KIF6: variants seen among roughly 807,000 people sequenced by gnomAD.
The protein encoded by KIF6 is kinesin-like protein KIF6.
Under a neutral mutation model 112.7 loss-of-function variants are expected in KIF6, and 106 were observed. The ratio of observed to expected loss-of-function variants is 0.94; its 90% confidence interval spans 0.80 to 1.11. The LOEUF (loss-of-function observed/expected upper bound fraction) is 1.11, where lower values mean the gene tolerates loss of function less well. KIF6 is among the 50% of genes least tolerant of loss of function. KIF6 has a pLI of 0.00. For missense variants in KIF6, 929 were observed against 964.0 expected, an observed-to-expected ratio of 0.96 and a Z score of 0.48; for synonymous variants, 339 against 339.9, an observed-to-expected ratio of 1.00 and a Z score of 0.03.
chr6:39,714,631 T>C (rs1377625205), intron 3 of KIF6, 61 bp downstream of exon 3: 7 of 1,123,390 alleles, frequency 6.2e-6, no homozygotes, highest in Non-Finnish European at 9.5e-6. Context: ...CACAGTTATC[T>C]GAGAATTGAA....
At chr6:39,346,422 T>C (rs1453490234) in intron 20 of KIF6, 54 bp downstream of exon 20, 2 of 716,646 alleles carry the variant, frequency 2.8e-6, no homozygotes, top group African/African-American at 3.5e-5. Flanking sequence ...CCTTCCACCA[T>C]GTGAGGATGC....
At chr6:39,653,675 G>C (rs1025029448) in intron 3 of KIF6, among the ~76,000 whole-genome samples, 2 of 152,156 alleles carry the variant, frequency 1.3e-5, no homozygotes, top group Admixed American at 6.6e-5. Flanking sequence ...CAAGCTGCTG[G>C]AAGCCTCTTA....
rs950888028 is a variant in KIF6 at position 39,331,829 on chromosome 6, A to G, written c.*4703T>C. On this transcript the variant is annotated 3_prime_UTR_variant, in exon 23 of 23. Transcript: ENST00000287152. ...AATGAGACATGCTTATGTTTAAGGA[A>G]TTACAAGGAGCATTTTTTCTGCCTA... 2 of 152,276 alleles carry G rather than the reference A, an allele frequency of 1.3e-5. No individual in the cohort carries two copies. Among genetic ancestry groups the G allele is most frequent in the African/African-American group, 4.8e-5 (2 of 41,448 alleles). The allele number at this position is 152,276 out of a possible 1,614,324, so 9.4% of individuals were successfully genotyped here. A position where few individuals can be genotyped will look rare whatever the true frequency, so the allele number is the denominator to read the frequency against.
At chr6:39,553,294 G>C (rs992282857) in intron 10 of KIF6, among the ~76,000 whole-genome samples, 1 of 152,166 alleles carries the variant, frequency 6.6e-6, no homozygotes, top group African/African-American at 2.4e-5. Flanking sequence ...AATTCCTATA[G>C]AGTTTTCCTT....
intron 13 of KIF6, among the ~76,000 whole-genome samples, chr6:39,516,855 C>T (rs953443581): frequency 6.6e-6 from 1 of 152,252 alleles, no homozygotes; most frequent in East Asian, 1.9e-4. Flanking sequence ...TGGTTGGTTC[C>T]CCTCACCCCT....
In KIF6 at chr6:39,596,199, T is replaced by C. The variant is rs763483672; in HGVS notation, c.701A>G (p.Lys234Arg). ...HCIFTIHLSS[K>R]EPGSATVRHA... ...TCGTACAGTTGCAGATCCTGGTTCCTTGCTTGACAAATGAATGGTGAAAAT... is the reference window on the plus strand; with the variant it reads ...TCGTACAGTTGCAGATCCTGGTTCCCTGCTTGACAAATGAATGGTGAAAAT... Residue 234 changes from lysine (K) to arginine (R), a missense_variant, in exon 7 of 23, where the codon AAG (lysine) becomes AGG (arginine). Transcript: ENST00000287152. 6 of 1,613,974 alleles carry C rather than the reference T, an allele frequency of 3.7e-6. No individual in the cohort carries two copies. In the East Asian group the frequency reaches 1.3e-4, roughly 36 times the overall value.
rs1481333003 is a variant in KIF6, at chr6:39,584,417, T to TACAAAAAAAAAAAAAAAAAAAAAA, written c.1077+480_1077+481insTTTTTTTTTTTTTTTTTTTTTTGT. ...TCCAGCCTGAGCAAGACTCTGTCTC[T>TACAAAAAAAAAAAAAAAAAAAAAA]AAAAAAAAAAAAAAAAAAAAAAAAA... On this transcript the variant is annotated intron_variant, in intron 9 of 22. Transcript: ENST00000287152. 2.8e-4 allele frequency among the ~76,000 whole-genome samples: 13 copies of TACAAAAAAAAAAAAAAAAAAAAAA among 46,064 alleles called. 3 individuals carry two copies. The highest frequency in any genetic ancestry group is 4.3e-4 in the Non-Finnish European group (7 of 16,118). 30.2% of individuals were successfully genotyped at this position (46,064 alleles called of 152,430 possible). A position where few individuals can be genotyped will look rare whatever the true frequency, so the allele number is the denominator to read the frequency against.
Position 39,360,419 on chromosome 6 carries a change from C to T in KIF6, c.2058G>A (p.Trp686Ter). The T allele has an allele frequency of 6.2e-7, 1 of 1,614,190 alleles. No individual in the cohort carries two copies. The highest frequency in any genetic ancestry group is 8.5e-7 in the Non-Finnish European group (1 of 1,180,024). The stretch of plus-strand genomic sequence containing the variant: ...CCTGCAGGTTGGTGGCCTCCTCTGC[C>T]CACCAGACTTCAAACTCTTTCTGTA... ...VKLQKEFEVW[W>*]AEEATNLQVN... is the part of the protein sequence containing the mutation. The change falls in exon 18 of 23, where the codon TGG becomes TGA. Residue 686 changes from tryptophan (W) to a stop codon, truncating the protein, a stop_gained. Transcript: ENST00000287152. LOFTEE classifies it high-confidence loss of function.
chr6:39,446,735 CAG>C (rs1772352269), intron 13 of KIF6, among the ~76,000 whole-genome samples: 1 of 152,194 alleles, frequency 6.6e-6, no homozygotes, highest in African/African-American at 2.4e-5. Context: ...GATGATCCAC[CAG>C]CCTCGGCCTC....
intron 3 of KIF6, among the ~76,000 whole-genome samples, chr6:39,674,486 C>T (rs543056223): frequency 4.6e-5 from 7 of 151,990 alleles, no homozygotes; most frequent in African/African-American, 7.2e-5. Flanking sequence ...AGATGCATAC[C>T]GTATACACAA....
intron 15 of KIF6, among the ~76,000 whole-genome samples, chr6:39,396,065 C>G (rs914553426): frequency 2.6e-5 from 4 of 152,212 alleles, no homozygotes; most frequent in Non-Finnish European, 5.9e-5. Context: ...AGGCTCACTG[C>G]TGGACAAACT....
At chr6:39,423,537 A>T (rs555436675) in intron 14 of KIF6, among the ~76,000 whole-genome samples, 1 of 151,988 alleles carries the variant, frequency 6.6e-6, no homozygotes, top group African/African-American at 2.4e-5. Context: ...GTCATCTCTC[A>T]AATCTCCACC....
chr6:39,709,828 T>C (rs761364132), intron 3 of KIF6, among the ~76,000 whole-genome samples: 52 of 151,910 alleles, frequency 3.4e-4, no homozygotes, highest in Admixed American at 1.7e-3. Flanking sequence ...TAGCGGACAT[T>C]TCTGTTTAAT....
chr6:39,635,720 A>G (rs1264838818), intron 4 of KIF6, among the ~76,000 whole-genome samples: 2 of 152,114 alleles, frequency 1.3e-5, no homozygotes, highest in African/African-American at 4.8e-5. Context: ...TTCTGCCAAT[A>G]GACAAAAATG....
At chr6:39,641,733 T>TA (rs1161869082) in intron 3 of KIF6, among the ~76,000 whole-genome samples, 1 of 152,036 alleles carries the variant, frequency 6.6e-6, no homozygotes, top group Non-Finnish European at 1.5e-5. Context: ...GATATAGATA[T>TA]AGACTACGAA....
At chr6:39,540,419 T>C (rs941659144) in intron 12 of KIF6, among the ~76,000 whole-genome samples, 198 bp from the exon 13 acceptor site, 6 of 152,198 alleles carry the variant, frequency 3.9e-5, no homozygotes, top group South Asian at 4.1e-4. Flanking sequence ...CACCACTGTA[T>C]GAAAAATTAG....
chr6:39,677,453 A>G (rs911386946), intron 3 of KIF6, among the ~76,000 whole-genome samples: 5 of 152,274 alleles, frequency 3.3e-5, no homozygotes, highest in African/African-American at 7.2e-5. Context: ...ATCCAAATGG[A>G]TAAACGTGGA....
At chr6:39,598,063 T>C (rs1782370742) in intron 6 of KIF6, among the ~76,000 whole-genome samples, 1 of 152,224 alleles carries the variant, frequency 6.6e-6, no homozygotes, top group South Asian at 2.1e-4. Context: ...GGGGCATGCC[T>C]GTAATCCCAG....
chr6:39,473,791 A>G (rs1774270834), intron 13 of KIF6, among the ~76,000 whole-genome samples: 1 of 152,202 alleles, frequency 6.6e-6, no homozygotes, highest in Non-Finnish European at 1.5e-5. Flanking sequence ...AACACTAGAT[A>G]TATTTGTCTC....
Sources: allele counts gnomAD v4.1 joint callset (sites outside exome capture counted in the v4.1 genomes callset), GRCh38; gene constraint gnomAD v4.1.1; transcripts MANE v1.5; gene names NCBI Gene and HGNC (gene_info 2026-07-23, HGNC 2026-07-21).